Variants in DENND4A observed in about 807,000 individuals in gnomAD.
DENND4A encodes the protein C-myc promoter-binding protein.
In DENND4A, 70 loss-of-function variants were observed where a neutral mutation model predicts 199.3. The observed-to-expected ratio is 0.35, with a 90% confidence interval of 0.29 to 0.43. DENND4A has a LOEUF of 0.43. DENND4A is among the 20% of genes least tolerant of loss of function. The pLI is 1.00. For synonymous variants in DENND4A, 686 were observed against 766.9 expected (o/e 0.89, Z 1.74); for missense variants, 1,723 against 2,255.8 (o/e 0.76, Z 4.78).
chr15:65,677,319 C>T (rs1320908534), intron 23 of DENND4A, among the ~76,000 whole-genome samples: 2 of 152,170 alleles, frequency 1.3e-5, no homozygotes, highest in Admixed American at 6.5e-5. Flanking sequence ...AAGCAATCCT[C>T]CTTTCTCAGC....
At chr15:65,739,695 C>G (rs2076204498) in intron 5 of DENND4A, among the ~76,000 whole-genome samples, 1 of 152,146 alleles carries the variant, frequency 6.6e-6, no homozygotes. Flanking sequence ...GGACAAATGA[C>G]ATACTACAGG....
In DENND4A at chr15:65,660,414, A is replaced by G. The variant is rs2141789067; in HGVS notation, c.*1437T>C. The G allele has an allele frequency of 1.0e-6, 1 of 955,332 alleles. No homozygotes were observed. The highest frequency in any genetic ancestry group is 2.6e-5 in the East Asian group (1 of 37,926). 59.2% of individuals were successfully genotyped at this position (955,332 alleles called of 1,614,324 possible). Reference sequence around the variant, plus strand: ...CTCCAGTCCAAGTGTCGTGGACTCTACTGGCTTTATACACCTAATTTGGGA... The same window carrying G: ...CTCCAGTCCAAGTGTCGTGGACTCTGCTGGCTTTATACACCTAATTTGGGA... On this transcript the variant is annotated 3_prime_UTR_variant, in exon 33 of 33. Transcript: ENST00000443035.
Position 65,691,078 on chromosome 15 carries a change from ACTGT to A in DENND4A, c.3512_3515del (p.Asp1171ValfsTer22). 2 of 1,613,180 alleles carry A rather than the reference ACTGT, an allele frequency of 1.2e-6. No homozygotes were observed. Among genetic ancestry groups the A allele is most frequent in the Non-Finnish European group, 1.7e-6 (2 of 1,179,604 alleles). On this transcript the variant is annotated frameshift_variant, in exon 23 of 33. Coordinates refer to ENST00000443035, the MANE Select transcript of DENND4A (RefSeq NM_001320835.1). LOFTEE classifies it high-confidence loss of function. ...ATCCTGCTTTTGATACATCTGTTTC[ACTGT>A]CTAAGTCTTCTAAGTCAAAAATAAC...
rs772753937 is a variant in DENND4A at position 65,661,817 on chromosome 15, A to C, written c.*34T>G. 9.0e-6 allele frequency: 14 copies of C among 1,558,168 alleles called. No individual in the cohort carries two copies. The highest frequency in any genetic ancestry group is 1.2e-5 in the Non-Finnish European group (14 of 1,145,526). On this transcript the variant is annotated 3_prime_UTR_variant, in exon 33 of 33. Transcript: ENST00000443035. ...TGTTATTTTATACACTGACTATACA[A>C]TATACATTGAATGTTTACACATACA...
rs761455232 is a variant in DENND4A at position 65,704,658 on chromosome 15, T to C, written c.2087+1433A>G. Among the ~76,000 whole-genome samples the C allele has an allele frequency of 6.5e-4, 99 of 152,288 alleles. 1 individual carries two copies. In the Middle Eastern group the frequency reaches 0.024, roughly 37 times the overall value. On this transcript the variant is annotated intron_variant, in intron 15 of 32. Coordinates refer to ENST00000443035, the MANE Select transcript of DENND4A (RefSeq NM_001320835.1). ...CAGGCTGGAGTGCAGTGGCACGATC[T>C]CGGCTCACTGCAACCTCCACCTCCC...
Position 65,669,861 on chromosome 15 carries a change from T to A in DENND4A, c.4705A>T (p.Thr1569Ser). 6.2e-7 allele frequency: 1 copy of A among 1,613,886 alleles called. No homozygotes were observed. The highest frequency in any genetic ancestry group is 8.5e-7 in the Non-Finnish European group (1 of 1,179,788). ...GATGTTGAAATGCAAGACTGCCTCG[T>A]CTGACTTGAAATGGAGGATGGAAAG... ...MHFPSSISSQ[T>S]RQSCISTSAS... The change falls in exon 27 of 33, where the codon ACG becomes TCG. Residue 1569 changes from threonine to serine, a missense_variant. Thr to Ser is a moderately conservative substitution (Grantham distance 58). Coordinates refer to ENST00000443035, the MANE Select transcript of DENND4A (RefSeq NM_001320835.1).
At chr15:65,755,940 C>T (rs1382519442) in intron 3 of DENND4A, among the ~76,000 whole-genome samples, 200 bp downstream of exon 3, 2 of 152,126 alleles carry the variant, frequency 1.3e-5, no homozygotes, top group Non-Finnish European at 2.9e-5. Flanking sequence ...GAAACCCAGG[C>T]AAGGTAAGAC....
Position 65,701,168 on chromosome 15 carries a change from A to T in DENND4A, c.2584T>A (p.Ser862Thr), listed in dbSNP as rs778166591. The T allele has an allele frequency of 1.4e-5, 23 of 1,606,136 alleles. 1 individual carries two copies. In the South Asian group the frequency reaches 2.6e-4, roughly 18 times the overall value. Residue 862 changes from serine (S) to threonine (T), a missense_variant, in exon 19 of 33, where the codon TCA (serine) becomes ACA (threonine). Transcript: ENST00000443035. ...NKAVLESTWP[S>T]RSRSGYFLWT... ...AGAAAATAGCCACTACGACTTCTTG[A>T]AGGCCAGGTACTTTCCAAAACAGCC...
At chr15:65,760,799 G>C (rs940051647) in intron 2 of DENND4A, among the ~76,000 whole-genome samples, 2 of 151,882 alleles carry the variant, frequency 1.3e-5, no homozygotes, top group Non-Finnish European at 2.9e-5. Context: ...TGAGGAACAA[G>C]AATCACCTGA....
chr15:65,671,524 C>T (rs1027490118), intron 25 of DENND4A, among the ~76,000 whole-genome samples: 1 of 152,202 alleles, frequency 6.6e-6, no homozygotes, highest in Admixed American at 6.5e-5. Context: ...CTAGTGGCTG[C>T]GATTACAGGT....
intron 12 of DENND4A, among the ~76,000 whole-genome samples, chr15:65,718,932 A>G (rs759499634): frequency 6.6e-5 from 10 of 150,482 alleles, no homozygotes; most frequent in Non-Finnish European, 1.5e-4. Context: ...GGTGCCCATC[A>G]CCACGCCCAG....
At chr15:65,757,922 G>A (rs1285693697) in intron 2 of DENND4A, among the ~76,000 whole-genome samples, 4 of 151,984 alleles carry the variant, frequency 2.6e-5, no homozygotes, top group Non-Finnish European at 5.9e-5. Flanking sequence ...AAGAGGTTGT[G>A]GTGAGCTGAG....
At chr15:65,774,003 C>T (rs2077211190) in intron 1 of DENND4A, among the ~76,000 whole-genome samples, 1 of 152,236 alleles carries the variant, frequency 6.6e-6, no homozygotes, top group African/African-American at 2.4e-5. Context: ...ATTCTGCCAA[C>T]TGCCTACACT....
At chr15:65,739,951 C>T (rs2076211628) in intron 5 of DENND4A, among the ~76,000 whole-genome samples, 1 of 151,606 alleles carries the variant, frequency 6.6e-6, no homozygotes, top group Non-Finnish European at 1.5e-5. Context: ...GAGGCCGAGG[C>T]GGACAGATTG....
At chr15:65,734,217 A>G (rs2076045745) in intron 7 of DENND4A, among the ~76,000 whole-genome samples, 1 of 152,206 alleles carries the variant, frequency 6.6e-6, no homozygotes, top group Admixed American at 6.5e-5. Context: ...ATCTACTGAG[A>G]TAGGGAAAAA....
At chr15:65,779,871 C>A (rs767399448) in intron 1 of DENND4A, among the ~76,000 whole-genome samples, 4 of 151,992 alleles carry the variant, frequency 2.6e-5, no homozygotes, top group African/African-American at 9.7e-5. Flanking sequence ...GCTGGGATTA[C>A]AGGCGTGAGC....
chr15:65,666,755 GGTGACAGGGCGAGACCTT>G (rs2076050141), intron 29 of DENND4A, among the ~76,000 whole-genome samples: 1 of 148,250 alleles, frequency 6.7e-6, no homozygotes, highest in Non-Finnish European at 1.5e-5. Flanking sequence ...CTCCAGTCTG[GGTGACAGGGCGAGACCTT>G]GTGTCAAAAA....
intron 14 of DENND4A, among the ~76,000 whole-genome samples, chr15:65,709,719 A>AAAAAAAAAAAATATATATAT (rs1218030026): frequency 3.9e-5 from 2 of 51,472 alleles, no homozygotes; most frequent in Admixed American, 2.5e-4. Context: ...AAAAAAAAAA[A>AAAAAAAAAAAATATATATAT]ATATATATAT....
At chr15:65,701,645 T>C (rs774636918) in intron 18 of DENND4A, 117 bp downstream of exon 18, 85 of 928,132 alleles carry the variant, frequency 9.2e-5, no homozygotes, top group Non-Finnish European at 1.3e-4. Context: ...ATTGACAAAA[T>C]GTATTTTATA....
Sources: allele counts gnomAD v4.1 joint callset (sites outside exome capture counted in the v4.1 genomes callset), GRCh38; gene constraint gnomAD v4.1.1; transcripts MANE v1.5; gene names NCBI Gene and HGNC (gene_info 2026-07-23, HGNC 2026-07-21).